Variants in SSC5D observed in about 807,000 individuals in gnomAD.
SSC5D encodes the protein scavenger receptor cysteine rich family member with 5 domains.
A neutral mutation model predicts 104.6 loss-of-function variants in SSC5D; 106 were observed. The observed-to-expected ratio is 1.01, with a 90% CI of 0.87 to 1.19. SSC5D has a LOEUF of 1.19. SSC5D is among the 50% of genes most tolerant of loss of function. SSC5D has a pLI of 0.00. For missense variants in SSC5D, 1,993 were observed against 2,153.8 expected (o/e 0.93, Z 1.48); for synonymous variants, 860 against 883.5 (o/e 0.97, Z 0.47).
At position 55,500,597 on chromosome 19, in the gene SSC5D, C is replaced by T. The variant is rs375187035; in HGVS notation, c.2410C>T (p.Arg804Trp). 9.2e-5 allele frequency: 143 copies of T among 1,551,590 alleles called. No homozygotes were observed. The African/African-American group carries it at 1.7e-3, about 18-fold the overall frequency. Reference sequence around the variant, plus strand: ...AGTGTGTGATGACAACTGGGACCTGCGGGACGCCACTGTGGCCTGCTGGGA... The same window carrying T: ...AGTGTGTGATGACAACTGGGACCTGTGGGACGCCACTGTGGCCTGCTGGGA... ...GTVCDDNWDL[R>W]DATVACWELG... is the part of the protein sequence containing the mutation. Residue 804 changes from arginine to tryptophan, a missense_variant, in exon 11 of 14, where the codon CGG (arginine) becomes TGG (tryptophan). By Grantham distance (101) the Arg-to-Trp change is moderately radical (BLOSUM62 -3). This residue lies in a region of SSC5D where 70 missense variants were observed against 107.1 expected (regional missense o/e 0.65). Coordinates refer to ENST00000389623, the MANE Select transcript of SSC5D (RefSeq NM_001144950.2). This position sits in a 1 kb window ranked among gnomAD's most constrained non-coding sequence, Gnocchi z 4.6.
Position 55,499,805 on chromosome 19 carries a change from T to C in SSC5D, c.1706-11T>C. 6.5e-7 allele frequency: 1 copy of C among 1,547,088 alleles called. No individual in the cohort carries two copies. The highest frequency in any genetic ancestry group is 8.7e-7 in the Non-Finnish European group (1 of 1,143,756). On this transcript the variant is annotated splice_polypyrimidine_tract_variant and intron_variant, in intron 9 of 13. Transcript: ENST00000389623. The stretch of plus-strand genomic sequence containing the variant: ...TCTCTGTCTTCTCTTCCTGCCCCAC[T>C]CACCTTCCAGGGCCCCCAGGCCTGG...
chr19:55,501,059 C>A lies in SSC5D; in HGVS notation c.2643C>A (p.Pro881=), dbSNP rs180950186. 1.3e-6 allele frequency: 2 copies of A among 1,551,786 alleles called. No individual in the cohort carries two copies. The highest frequency in any genetic ancestry group is 2.7e-5 in the African/African-American group (2 of 73,008). The change falls in exon 12 of 14, where the codon CCC becomes CCA. Residue 881 remains proline (P), a synonymous_variant. Transcript: ENST00000389623. ...CTGYTDYDDY[P]PWTWDPTSRE... The stretch of plus-strand genomic sequence containing the variant: ...GCTACACAGACTATGACGATTATCC[C>A]CCCTGGACCTGGGACCCCACCTCAA...
intron 9 of SSC5D, among the ~76,000 whole-genome samples, chr19:55,499,211 C>T (rs1027673148): frequency 2.0e-5 from 3 of 152,244 alleles, no homozygotes; most frequent in African/African-American, 7.2e-5. Context: ...AGTCATCTCC[C>T]AGGAGCCGGG....
chr19:55,517,553 A>C lies in SSC5D; in HGVS notation c.3277A>C (p.Thr1093Pro), dbSNP rs1175907456. The change falls in exon 14 of 14, where the codon ACC becomes CCC. Residue 1093 changes from threonine to proline, a missense_variant. Thr to Pro is a conservative substitution (Grantham distance 38). Coordinates refer to ENST00000389623, the MANE Select transcript of SSC5D (RefSeq NM_001144950.2). ...TPEPSPTPLP[T>P]LPKELTSDPS... The stretch of plus-strand genomic sequence containing the variant: ...GGAGCCCTCACCCACGCCCTTACCC[A>C]CCTTGCCCAAAGAGCTGACCTCTGA... 1 of 1,549,618 alleles carries C rather than the reference A, an allele frequency of 6.5e-7. No homozygotes were observed. Among genetic ancestry groups the C allele is most frequent in the Non-Finnish European group, 8.7e-7 (1 of 1,146,448 alleles).
intron 12 of SSC5D, 66 bp from the exon 13 acceptor site, chr19:55,512,945 G>GT: frequency 1.3e-6 from 2 of 1,542,930 alleles, no homozygotes; most frequent in Non-Finnish European, 1.8e-6. Flanking sequence ...CCCAGGAGGA[G>GT]AGAGACGGGG....
At position 55,489,628 on chromosome 19, in the gene SSC5D, C is replaced by T; in HGVS notation, c.327C>T (p.Cys109=). ...ACCGGGGCTGGAAGGCCCACATCTG[C>T]TCCCACGAGGAGGACGCGGGCGTCG... ...CHHRGWKAHI[C]SHEEDAGVVC... is the part of the protein sequence containing the mutation. The change falls in exon 3 of 14, where the codon TGC becomes TGT. Residue 109 remains cysteine (C), a synonymous_variant. Transcript: ENST00000389623. 1 of 1,533,306 alleles carries T rather than the reference C, an allele frequency of 6.5e-7. No homozygotes were observed. The highest frequency in any genetic ancestry group is 8.7e-7 in the Non-Finnish European group (1 of 1,145,428). The allele number at this position is 1,533,306 out of a possible 1,614,324, so 95.0% of individuals were successfully genotyped here.
At chr19:55,498,290 T>G in intron 9 of SSC5D, 93 bp downstream of exon 9, 1 of 1,337,656 alleles carries the variant, frequency 7.5e-7, no homozygotes, top group Non-Finnish European at 1.0e-6. Context: ...GAGTGCTTCC[T>G]AAGCCCCAGC....
At chr19:55,516,225 C>T (rs4801330) in intron 13 of SSC5D, among the ~76,000 whole-genome samples, 20,492 of 151,448 alleles carry the variant, frequency 0.14, 1,965 homozygotes, top group African/African-American at 0.26. Flanking sequence ...AGGCCGGGCG[C>T]GATGGCTCAT....
At chr19:55,506,030 C>A (rs1351637808) in intron 12 of SSC5D, among the ~76,000 whole-genome samples, 1 of 151,870 alleles carries the variant, frequency 6.6e-6, no homozygotes, top group East Asian at 1.9e-4. Flanking sequence ...AGCCACGGCA[C>A]CCAGCCAGTT....
chr19:55,514,656 G>A (rs577979616), intron 13 of SSC5D, among the ~76,000 whole-genome samples: 13 of 150,618 alleles, frequency 8.6e-5, no homozygotes, highest in African/African-American at 3.2e-4. Flanking sequence ...AGGAGGGAAG[G>A]AAATCTGCAT....
chr19:55,501,853 G>A (rs896372454), intron 12 of SSC5D, among the ~76,000 whole-genome samples: 1 of 152,094 alleles, frequency 6.6e-6, no homozygotes, highest in Non-Finnish European at 1.5e-5. Flanking sequence ...GGATCCCTGC[G>A]AATCCATCTC....
chr19:55,494,800 TC>T lies in SSC5D; in HGVS notation c.1387+21del. On this transcript the variant is annotated intron_variant, in intron 8 of 13. Transcript: ENST00000389623. ...CGGAAGCCGGTGAGTCCCTCCATGC[TC>T]CCCAAGAAAACAGGGTCCTTCCTTC... 1 of 1,521,576 alleles carries T rather than the reference TC, an allele frequency of 6.6e-7. No individual in the cohort carries two copies. The highest frequency in any genetic ancestry group is 8.9e-7 in the Non-Finnish European group (1 of 1,128,746). The allele number at this position is 1,521,576 out of a possible 1,614,324, so 94.3% of individuals were successfully genotyped here. A position where few individuals can be genotyped will look rare whatever the true frequency, so the allele number is the denominator to read the frequency against.
chr19:55,517,503 C>G lies in SSC5D; in HGVS notation c.3227C>G (p.Ser1076Cys). ...SPDFALSTPD[S>C]SVVPALTPEP... ...GACTTTGCTTTGTCCACCCCTGACTCCAGTGTGGTTCCCGCGTTGACCCCG... is the reference window on the plus strand; with the variant it reads ...GACTTTGCTTTGTCCACCCCTGACTGCAGTGTGGTTCCCGCGTTGACCCCG... The change falls in exon 14 of 14, where the codon TCC becomes TGC. Residue 1076 changes from serine to cysteine, a missense_variant. Physicochemically the swap from Ser to Cys is moderately radical, Grantham distance 112. Transcript: ENST00000389623. 1 of 1,551,424 alleles carries G rather than the reference C, an allele frequency of 6.4e-7. No individual in the cohort carries two copies. Among genetic ancestry groups the G allele is most frequent in the Non-Finnish European group, 8.7e-7 (1 of 1,147,014 alleles).
chr19:55,517,430 C>G lies in SSC5D; in HGVS notation c.3154C>G (p.Pro1052Ala). The G allele has an allele frequency of 6.4e-7, 1 of 1,551,094 alleles. No individual in the cohort carries two copies. The highest frequency in any genetic ancestry group is 1.2e-5 in the South Asian group (1 of 84,054). The change falls in exon 14 of 14, where the codon CCA (proline) becomes GCA (alanine). Residue 1052 changes from proline to alanine, a missense_variant. Transcript: ENST00000389623. ...CGCTCCGGACACTTCACCACCCACC[C>G]CAGACCCGGCCTCCCGGACGAACCC... ...SDAPDTSPPT[P>A]DPASRTNPDL...
Position 55,503,980 on chromosome 19 carries a change from TG to T in SSC5D, c.2785+2782del. 2.4e-6 allele frequency: 2 copies of T among 830,560 alleles called. No homozygotes were observed. The highest frequency in any genetic ancestry group is 3.6e-6 in the Non-Finnish European group (2 of 555,198). The allele number at this position is 830,560 out of a possible 1,614,324, so 51.4% of individuals were successfully genotyped here. A position where few individuals can be genotyped will look rare whatever the true frequency, so the allele number is the denominator to read the frequency against. On this transcript the variant is annotated intron_variant, in intron 12 of 13. Coordinates refer to ENST00000389623, the MANE Select transcript of SSC5D (RefSeq NM_001144950.2). This position sits in a 1 kb window ranked among gnomAD's most constrained non-coding sequence, Gnocchi z 4.0. ...GCGCATCGCCCGCAGTAATAATAGC[TG>T]GGCGAAGGGCAACCAGGCCCCAAGA... is the stretch of plus-strand genomic sequence containing the variant.
intron 12 of SSC5D, among the ~76,000 whole-genome samples, chr19:55,504,993 T>TTTTTTTTTTTTTTTTTTTTTTG (rs1568481926): frequency 6.6e-6 from 1 of 151,940 alleles, no homozygotes; most frequent in African/African-American, 2.4e-5. Flanking sequence ...TAACCTGTTT[T>TTTTTTTTTTTTTTTTTTTTTTG]AAGTGATTTC....
At chr19:55,493,498 CAG>C in intron 6 of SSC5D, 95 bp from the exon 7 acceptor site, 1 of 1,096,958 alleles carries the variant, frequency 9.1e-7, no homozygotes, top group South Asian at 1.8e-5. Flanking sequence ...ATTTGCTTCC[CAG>C]AGTCATCTTG....
chr19:55,494,766 A>G lies in SSC5D; in HGVS notation c.1370A>G (p.Glu457Gly), dbSNP rs1987264414. The change falls in exon 8 of 14, where the codon GAG (glutamate) becomes GGG (glycine). Residue 457 changes from glutamate to glycine, a missense_variant. By Grantham distance (98) the Glu-to-Gly change is moderately conservative. Around this residue, in one of 6 missense-constraint regions of SSC5D, gnomAD observed 1,101 missense variants for 1,085.0 expected, o/e 1.01. Coordinates refer to ENST00000389623, the MANE Select transcript of SSC5D (RefSeq NM_001144950.2). The stretch of plus-strand genomic sequence containing the variant: ...CCAGCCTCCCCTACTGTCCTTTGGG[A>G]GCCTGGACCGGAAGCCGGTGAGTCC... ...PPPASPTVLW[E>G]PGPEAGSPQL... 1 of 1,543,176 alleles carries G rather than the reference A, an allele frequency of 6.5e-7. No homozygotes were observed. The highest frequency in any genetic ancestry group is 2.5e-5 in the East Asian group (1 of 40,364).
chr19:55,507,523 G>A (rs1298129548), intron 12 of SSC5D, among the ~76,000 whole-genome samples: 10 of 149,310 alleles, frequency 6.7e-5, no homozygotes, highest in Non-Finnish European at 1.3e-4. Flanking sequence ...ACAATTAGCC[G>A]GGTGTGGTGG....
Sources: allele counts gnomAD v4.1 joint callset (sites outside exome capture counted in the v4.1 genomes callset), GRCh38; gene constraint gnomAD v4.1.1; regional missense constraint gnomAD v4.1.1; non-coding constraint Gnocchi (gnomAD v3.1); transcripts MANE v1.5; gene names NCBI Gene and HGNC (gene_info 2026-07-23, HGNC 2026-07-21).